NELL2: variants seen among roughly 807,000 people sequenced by gnomAD.
NELL2 encodes protein kinase C-binding protein NELL2.
A neutral mutation model predicts 109.6 loss-of-function variants in NELL2; 41 were observed. That is an observed-to-expected ratio of 0.37 (90% CI 0.29 to 0.49). The LOEUF (loss-of-function observed/expected upper bound fraction) is 0.49. NELL2 is among the 20% of genes least tolerant of loss of function. The pLI is 0.98. For missense variants in NELL2, 900 were observed against 1,008.3 expected (o/e 0.89, Z 1.45); for synonymous variants, 355 against 344.7 (o/e 1.03, Z -0.33).
rs57205620 is a variant in NELL2, at chr12:44,540,781, CA to C, written c.1664-8061del. On this transcript the variant is annotated intron_variant, in intron 15 of 19. Transcript: ENST00000429094. The stretch of plus-strand genomic sequence containing the variant: ...AGCTTACTAATGTAAGTCTGCAAGC[CA>C]AAAAAAAAAAAAAAAAGCCCATCCT... Among the ~76,000 whole-genome samples the C allele has an allele frequency of 2.9e-3, 145 of 49,746 alleles. 8 individuals are homozygous for C. The highest frequency in any genetic ancestry group is 0.01 in the East Asian group (12 of 1,160). The allele number at this position is 49,746 out of a possible 152,430, so 32.6% of individuals were successfully genotyped here. A position where few individuals can be genotyped will look rare whatever the true frequency, so the allele number is the denominator to read the frequency against.
intron 9 of NELL2, among the ~76,000 whole-genome samples, chr12:44,733,392 C>A (rs924158060): frequency 6.6e-6 from 1 of 151,826 alleles, no homozygotes; most frequent in African/African-American, 2.4e-5. Flanking sequence ...TGAAGGAAAT[C>A]ATGTCATATG....
intron 12 of NELL2, among the ~76,000 whole-genome samples, chr12:44,702,927 A>G (rs901763819): frequency 6.6e-6 from 1 of 152,228 alleles, no homozygotes; most frequent in Admixed American, 6.5e-5. Flanking sequence ...TTCCATCTCC[A>G]CAGATCTATG....
At chr12:44,799,827 G>T (rs1942770715) in intron 3 of NELL2, among the ~76,000 whole-genome samples, 1 of 152,066 alleles carries the variant, frequency 6.6e-6, no homozygotes, top group African/African-American at 2.4e-5. Flanking sequence ...CTACCCAAGA[G>T]TTATTTGTAG....
intron 15 of NELL2, among the ~76,000 whole-genome samples, chr12:44,602,029 G>A (rs1277945358): frequency 3.9e-5 from 6 of 152,078 alleles, no homozygotes; most frequent in Admixed American, 1.3e-4. Context: ...GAGAAGTTAC[G>A]TCTTAATTAT....
At chr12:44,685,393 T>C (rs917089812) in intron 12 of NELL2, among the ~76,000 whole-genome samples, 1 of 152,180 alleles carries the variant, frequency 6.6e-6, no homozygotes, top group African/African-American at 2.4e-5. Context: ...GTCTTTTAAT[T>C]GCAGCATTTA....
chr12:44,868,369 T>C (rs1309992689), intron 2 of NELL2, among the ~76,000 whole-genome samples: 2 of 152,150 alleles, frequency 1.3e-5, no homozygotes, highest in South Asian at 4.1e-4. Context: ...TCCAAAATGA[T>C]CTACAGATTT....
intron 9 of NELL2, among the ~76,000 whole-genome samples, chr12:44,746,139 T>C (rs1592450421): frequency 6.6e-6 from 1 of 152,064 alleles, no homozygotes; most frequent in Non-Finnish European, 1.5e-5. Context: ...TCAGAAATAA[T>C]GCCGCGTATC....
rs78706717 is a variant in NELL2 at position 44,582,259 on chromosome 12, C to A, written c.1663+24910G>T. 6.1e-3 allele frequency among the ~76,000 whole-genome samples: 931 copies of A among 152,156 alleles called. 8 individuals carry two copies. The highest frequency in any genetic ancestry group is 0.021 in the African/African-American group (874 of 41,512). Reference sequence around the variant, plus strand: ...TGCTTGCCCTTTTGAGATTTGTGCTCATGAATTTAAAGAGTGACCAGTCAG... The same window carrying A: ...TGCTTGCCCTTTTGAGATTTGTGCTAATGAATTTAAAGAGTGACCAGTCAG... On this transcript the variant is annotated intron_variant, in intron 15 of 19. Transcript: ENST00000429094.
chr12:44,875,559 G>T, intron 1 of NELL2: 1 of 1,613,680 alleles, frequency 6.2e-7, no homozygotes, highest in South Asian at 1.1e-5. Context: ...CCGTTTCCAT[G>T]ACCTCCTTTA....
At chr12:44,579,670 G>C (rs550009596) in intron 15 of NELL2, among the ~76,000 whole-genome samples, 2 of 152,196 alleles carry the variant, frequency 1.3e-5, no homozygotes, top group African/African-American at 4.8e-5. Context: ...AAGAAACACA[G>C]TTTAACTGTG....
At chr12:44,721,769 T>TA (rs144914804) in intron 9 of NELL2, among the ~76,000 whole-genome samples, 8,113 of 152,048 alleles carry the variant, frequency 0.053, 684 homozygotes, top group African/African-American at 0.18. Flanking sequence ...AGATTACAAG[T>TA]AAAAAAACAT....
chr12:44,581,767 G>A lies in NELL2; in HGVS notation c.1663+25402C>T, dbSNP rs758417420. Among the ~76,000 whole-genome samples the A allele has an allele frequency of 1.0e-3, 152 of 152,202 alleles. 2 individuals carry two copies. The highest frequency in any genetic ancestry group is 1.6e-3 in the Non-Finnish European group (108 of 67,998). On this transcript the variant is annotated intron_variant, in intron 15 of 19. Coordinates refer to ENST00000429094, the MANE Select transcript of NELL2 (RefSeq NM_001145108.2). ...TAAAAATCAATTGAAAGCTATTACT[G>A]AACTATGATCTTAACTTGAATATAG...
intron 15 of NELL2, among the ~76,000 whole-genome samples, chr12:44,563,596 G>A (rs1018387571): frequency 6.6e-6 from 1 of 152,164 alleles, no homozygotes; most frequent in African/African-American, 2.4e-5. Flanking sequence ...ACACATTTGT[G>A]AGTAATTACA....
At chr12:44,714,034 A>G (rs1213637808) in intron 10 of NELL2, among the ~76,000 whole-genome samples, 1 of 151,956 alleles carries the variant, frequency 6.6e-6, no homozygotes, top group Non-Finnish European at 1.5e-5. Context: ...GTCAAGAAAT[A>G]TAACATTATA....
intron 3 of NELL2, among the ~76,000 whole-genome samples, chr12:44,800,273 TAGAG>T (rs1942783971): frequency 6.6e-6 from 1 of 152,170 alleles, no homozygotes; most frequent in Non-Finnish European, 1.5e-5. Flanking sequence ...TTTTATCTGT[TAGAG>T]AGGTTTAAGT....
intron 1 of NELL2, among the ~76,000 whole-genome samples, chr12:44,909,793 G>A (rs1219659647): frequency 6.7e-6 from 1 of 148,740 alleles, no homozygotes; most frequent in African/African-American, 2.5e-5. Flanking sequence ...ACACAGCAAT[G>A]GAACAGACTG....
At chr12:44,556,392 T>C (rs1465005596) in intron 15 of NELL2, among the ~76,000 whole-genome samples, 1 of 152,006 alleles carries the variant, frequency 6.6e-6, no homozygotes, top group Non-Finnish European at 1.5e-5. Flanking sequence ...GAGATCAAGA[T>C]CTATGAGCAG....
intron 15 of NELL2, among the ~76,000 whole-genome samples, chr12:44,592,046 T>C (rs1944771979): frequency 6.6e-6 from 1 of 152,138 alleles, no homozygotes; most frequent in African/African-American, 2.4e-5. Flanking sequence ...GGAAGAGTGG[T>C]ATCTGGATGG....
chr12:44,694,218 C>T (rs1592349388), intron 12 of NELL2, among the ~76,000 whole-genome samples: 1 of 152,116 alleles, frequency 6.6e-6, no homozygotes, highest in Non-Finnish European at 1.5e-5. Context: ...CTAACGTGGG[C>T]AGGCCTCATA....
Sources: gnomAD v4.1 joint callset for allele counts (sites outside exome capture counted in the v4.1 genomes callset) on GRCh38, gnomAD v4.1.1 for gene constraint, MANE v1.5 for transcripts, NCBI Gene and HGNC (gene_info 2026-07-23, HGNC 2026-07-21) for gene names.